CACNA2D2: variants seen among roughly 807,000 people sequenced by gnomAD.
CACNA2D2 encodes the protein voltage-dependent calcium channel subunit alpha-2/delta-2.
Under a neutral mutation model 166.4 loss-of-function variants are expected in CACNA2D2, and 48 were observed. That is an observed-to-expected ratio of 0.29 (90% confidence interval 0.23 to 0.37). The LOEUF is 0.37. CACNA2D2 is among the 10% of genes least tolerant of loss of function. The pLI is 1.00. For missense variants in CACNA2D2, 1,122 were observed against 1,433.0 expected (o/e 0.78, Z 3.50); for synonymous variants, 561 against 573.7 (o/e 0.98, Z 0.32).
At chr3:50,410,973 G>C (rs940344769) in intron 3 of CACNA2D2, among the ~76,000 whole-genome samples, 4 of 152,230 alleles carry the variant, frequency 2.6e-5, no homozygotes, top group Non-Finnish European at 5.9e-5. Flanking sequence ...ACGTGCATAT[G>C]GTGTCTGGGT....
At chr3:50,435,530 A>G (rs1196488639) in intron 2 of CACNA2D2, among the ~76,000 whole-genome samples, 1 of 150,796 alleles carries the variant, frequency 6.6e-6, no homozygotes, top group African/African-American at 2.4e-5. Context: ...TGATGAGGGG[A>G]GATAAGGAGG....
rs372803367 is a variant in CACNA2D2, at chr3:50,500,284, C to A, written c.206+2934G>T. Among the ~76,000 whole-genome samples, 78 of 152,304 alleles carry A rather than the reference C, an allele frequency of 5.1e-4. 1 individual carries two copies. In the South Asian group the frequency reaches 0.016, roughly 31 times the overall value. ...TCAGAGGAAGGGAGACGCTGGCCAA[C>A]ACCATCGCTGGAGCAGAGCTGGGCT... On this transcript the variant is annotated intron_variant, in intron 1 of 37. Transcript: ENST00000424201.
chr3:50,475,309 C>T (rs1710261063), intron 2 of CACNA2D2, among the ~76,000 whole-genome samples: 1 of 152,140 alleles, frequency 6.6e-6, no homozygotes, highest in Admixed American at 6.5e-5. Flanking sequence ...GGTTGGCTTA[C>T]TCTGCTGTTC....
At chr3:50,487,040 G>A (rs1035125273) in intron 1 of CACNA2D2, among the ~76,000 whole-genome samples, 1 of 152,218 alleles carries the variant, frequency 6.6e-6, no homozygotes, top group Non-Finnish European at 1.5e-5. Flanking sequence ...TCGGCCAGGC[G>A]CAGGCCAGTT....
intron 3 of CACNA2D2, among the ~76,000 whole-genome samples, chr3:50,421,339 A>C (rs1033291379): frequency 2.0e-5 from 3 of 152,154 alleles, no homozygotes; most frequent in Non-Finnish European, 2.9e-5. Flanking sequence ...AATGGGTGGC[A>C]GGGAAAGGTC....
chr3:50,498,804 C>G (rs1035251098), intron 1 of CACNA2D2, among the ~76,000 whole-genome samples: 1 of 152,216 alleles, frequency 6.6e-6, no homozygotes, highest in Non-Finnish European at 1.5e-5. Flanking sequence ...AGGCTTCAAG[C>G]CCCCCTCCAC....
chr3:50,399,618 C>G (rs1049081130), intron 3 of CACNA2D2, among the ~76,000 whole-genome samples: 1 of 152,142 alleles, frequency 6.6e-6, no homozygotes, highest in Admixed American at 6.5e-5. Flanking sequence ...GCAAGACTCA[C>G]GAGAAGTAGA....
intron 2 of CACNA2D2, among the ~76,000 whole-genome samples, chr3:50,443,658 G>A (rs924319923): frequency 1.3e-5 from 2 of 152,194 alleles, no homozygotes; most frequent in African/African-American, 4.8e-5. Context: ...CAGGACAAAC[G>A]GCCCCCTCTG....
At chr3:50,387,701 A>C (rs587768327) in intron 4 of CACNA2D2, 89 bp from the exon 5 acceptor site, 1 of 1,010,672 alleles carries the variant, frequency 9.9e-7, no homozygotes, top group South Asian at 1.5e-5. Flanking sequence ...TGGCACCCTT[A>C]GATTCCTCTG....
At chr3:50,387,636 G>C (rs997077493) in intron 4 of CACNA2D2, 24 bp from the exon 5 acceptor site, 2 of 1,598,316 alleles carry the variant, frequency 1.3e-6, no homozygotes, top group Middle Eastern at 1.7e-4. Flanking sequence ...AGAGGCCTCA[G>C]CACTAGCTGC....
intron 1 of CACNA2D2, among the ~76,000 whole-genome samples, chr3:50,488,894 G>T (rs986811832): frequency 3.9e-5 from 6 of 151,974 alleles, no homozygotes; most frequent in Non-Finnish European, 5.9e-5. Context: ...TAGAGATGGG[G>T]TTTCACCCTG....
chr3:50,372,993 AG>A (rs1704741489), intron 22 of CACNA2D2: 2 of 774,574 alleles, frequency 2.6e-6, no homozygotes, highest in Non-Finnish European at 3.2e-6. Flanking sequence ...CTGGGCAGGG[AG>A]GGGGGCAAGC....
chr3:50,418,465 A>C (rs1707373206), intron 3 of CACNA2D2, among the ~76,000 whole-genome samples: 1 of 152,038 alleles, frequency 6.6e-6, no homozygotes, highest in African/African-American at 2.4e-5. Flanking sequence ...TTCCTGGCTA[A>C]TTCTAATTTC....
At chr3:50,402,387 C>T (rs1258334297) in intron 3 of CACNA2D2, among the ~76,000 whole-genome samples, 4 of 152,214 alleles carry the variant, frequency 2.6e-5, no homozygotes, top group African/African-American at 9.7e-5. Flanking sequence ...TGGACAACCA[C>T]GTGCTGCAGG....
rs116375541 is a variant in CACNA2D2, at chr3:50,419,139, G to A, written c.405+15174C>T. ...TGAAGTTCTCTAGAGGCGGAGCCAC[G>A]GAAAGAGGCTTAGGCTTTTGCAAGA... On this transcript the variant is annotated intron_variant, in intron 3 of 37. Coordinates refer to ENST00000424201, the MANE Select transcript of CACNA2D2 (RefSeq NM_006030.4). Among the ~76,000 whole-genome samples, 1,252 of 152,270 alleles carry A rather than the reference G, an allele frequency of 8.2e-3. 8 individuals carry two copies. The highest frequency in any genetic ancestry group is 0.014 in the Middle Eastern group (4 of 294).
intron 5 of CACNA2D2, 32 bp downstream of exon 5, chr3:50,387,536 C>A: frequency 6.2e-7 from 1 of 1,602,208 alleles, no homozygotes; most frequent in Non-Finnish European, 8.6e-7. Flanking sequence ...CAAGGCCCAG[C>A]AAGGAGGTGT....
At chr3:50,483,453 C>G (rs191740923) in intron 1 of CACNA2D2, among the ~76,000 whole-genome samples, 3 of 152,346 alleles carry the variant, frequency 2.0e-5, no homozygotes, top group Non-Finnish European at 4.4e-5. Context: ...GGGGCTATCC[C>G]TTCCCTTTCT....
rs144905272 is a variant in CACNA2D2 at position 50,490,189 on chromosome 3, C to A, written c.206+13029G>T. ...AGCCAGGTGATCTCCCTGGGACAAGCTGCAGATTTTGGCAACTGGCTGCAT... is the reference window on the plus strand; with the variant it reads ...AGCCAGGTGATCTCCCTGGGACAAGATGCAGATTTTGGCAACTGGCTGCAT... On this transcript the variant is annotated intron_variant, in intron 1 of 37. Transcript: ENST00000424201. Among the ~76,000 whole-genome samples the A allele has an allele frequency of 1.0e-3, 159 of 152,330 alleles. 1 individual carries two copies. The highest frequency in any genetic ancestry group is 3.6e-3 in the African/African-American group (151 of 41,574).
In CACNA2D2 at chr3:50,387,632, C is replaced by G; in HGVS notation, c.466-20G>C. The G allele has an allele frequency of 6.2e-7, 1 of 1,606,528 alleles. No individual in the cohort carries two copies. The highest frequency in any genetic ancestry group is 8.5e-7 in the Non-Finnish European group (1 of 1,174,284). On this transcript the variant is annotated intron_variant, in intron 4 of 37. Coordinates refer to ENST00000424201, the MANE Select transcript of CACNA2D2 (RefSeq NM_006030.4). ...TTCCTCCTGGTGAGGGGAGAGAGGC[C>G]TCAGCACTAGCTGCTCAGGGTCCCG...
Sources: gnomAD v4.1 joint callset for allele counts (sites outside exome capture counted in the v4.1 genomes callset) on GRCh38, gnomAD v4.1.1 for gene constraint, MANE v1.5 for transcripts, NCBI Gene and HGNC (gene_info 2026-07-23, HGNC 2026-07-21) for gene names.